THADA: variants seen among roughly 807,000 people sequenced by gnomAD.
THADA encodes the protein tRNA (32-2'-O)-methyltransferase regulator THADA.
A neutral mutation model predicts 219.8 loss-of-function variants in THADA; 213 were observed. The observed-to-expected ratio is 0.97, with a 90% CI of 0.87 to 1.09. THADA has a LOEUF of 1.09. THADA is among the 50% of genes least tolerant of loss of function. The pLI is 0.00. For synonymous variants in THADA, 1,018 were observed against 828.9 expected, an observed-to-expected ratio of 1.23 and a Z score of -3.92; for missense variants, 2,956 against 2,311.3, an observed-to-expected ratio of 1.28 and a Z score of -5.72.
intron 20 of THADA, among the ~76,000 whole-genome samples, chr2:43,548,443 T>G (rs1696333324): frequency 6.6e-6 from 1 of 152,160 alleles, no homozygotes; most frequent in Non-Finnish European, 1.5e-5. Context: ...CTGCTGTCTT[T>G]TTGTTTGTTT....
Position 43,527,986 on chromosome 2 carries a change from T to A in THADA, c.3267A>T (p.Val1089=). The A allele has an allele frequency of 6.2e-7, 1 of 1,607,888 alleles. No individual in the cohort carries two copies. Among genetic ancestry groups the A allele is most frequent in the African/African-American group, 1.3e-5 (1 of 74,658 alleles). ...GTTTAAAGTAATCTCCTATTTCTTT[T>A]ACCTTTAAAAAAAAAGCAAAAACAA... The part of the protein sequence containing the change: ...SSDGLLTVEQ[V]KEIGDYFKQH... Residue 1089 remains valine (V), a splice_region_variant and synonymous_variant, in exon 22 of 38, where the codon GTA becomes GTT. Coordinates refer to ENST00000405975, the MANE Select transcript of THADA (RefSeq NM_022065.5).
intron 36 of THADA, among the ~76,000 whole-genome samples, chr2:43,271,856 C>T (rs1172367950): frequency 6.6e-6 from 1 of 152,136 alleles, no homozygotes; most frequent in Non-Finnish European, 1.5e-5. Context: ...CTCAGGTGAT[C>T]CACTTGCCTC....
At chr2:43,251,531 C>T (rs920814958) in intron 36 of THADA, among the ~76,000 whole-genome samples, 1 of 152,214 alleles carries the variant, frequency 6.6e-6, no homozygotes, top group African/African-American at 2.4e-5. Flanking sequence ...GGTCTGCTTC[C>T]TGTCTCTGTC....
intron 20 of THADA, among the ~76,000 whole-genome samples, chr2:43,544,383 G>T (rs957467575): frequency 2.0e-5 from 3 of 152,212 alleles, no homozygotes; most frequent in South Asian, 2.1e-4. Context: ...CATATGAACT[G>T]TAAAGTAGTT....
Position 43,590,951 on chromosome 2 carries a change from C to A in THADA, c.175G>T (p.Val59Leu). Reference protein sequence around the residue: ...VSQIHYIKQIVPLLEKADKNG... With the variant: ...VSQIHYIKQILPLLEKADKNG... Reference sequence around the variant, plus strand: ...TTATCTGCTTTCTCCAGCAGAGGCACAATCTATAATACAAAACATTGAAGT... The same window carrying A: ...TTATCTGCTTTCTCCAGCAGAGGCAAAATCTATAATACAAAACATTGAAGT... The change falls in exon 4 of 38, where the codon GTG becomes TTG. Residue 59 changes from valine to leucine, a missense_variant. Transcript: ENST00000405975. 1 of 1,611,906 alleles carries A rather than the reference C, an allele frequency of 6.2e-7. No homozygotes were observed. Among genetic ancestry groups the A allele is most frequent in the Non-Finnish European group, 8.5e-7 (1 of 1,178,772 alleles).
chr2:43,263,693 C>T (rs1378593620), intron 36 of THADA, among the ~76,000 whole-genome samples: 1 of 152,160 alleles, frequency 6.6e-6, no homozygotes, highest in Non-Finnish European at 1.5e-5. Context: ...CAACATGGAA[C>T]TGAGGTATGT....
chr2:43,501,972 G>A lies in THADA; in HGVS notation c.3622-3017C>T, dbSNP rs750481274. On this transcript the variant is annotated intron_variant, in intron 24 of 37. Coordinates refer to ENST00000405975, the MANE Select transcript of THADA (RefSeq NM_022065.5). The stretch of plus-strand genomic sequence containing the variant: ...AAAGTTGAAACAAAAATAAAACTGT[G>A]GTTTTGCTCCAAAGATAGATTAATA... Among the ~76,000 whole-genome samples, 3 of 151,154 alleles carry A rather than the reference G, an allele frequency of 2.0e-5. No individual in the cohort carries two copies. In the East Asian group the frequency reaches 5.9e-4, roughly 30 times the overall value.
intron 34 of THADA, among the ~76,000 whole-genome samples, chr2:43,290,301 G>T (rs926492274): frequency 6.6e-6 from 1 of 150,840 alleles, no homozygotes; most frequent in Admixed American, 6.6e-5. Context: ...CTGGGCTATA[G>T]TTTTTAGCAA....
chr2:43,350,764 G>A (rs1427818907), intron 29 of THADA, among the ~76,000 whole-genome samples: 1 of 152,216 alleles, frequency 6.6e-6, no homozygotes, highest in Non-Finnish European at 1.5e-5. Flanking sequence ...CAGCCAGGAA[G>A]CATTTCATGT....
chr2:43,426,543 G>A (rs1205332841), intron 28 of THADA, among the ~76,000 whole-genome samples: 4 of 152,072 alleles, frequency 2.6e-5, no homozygotes, highest in African/African-American at 9.7e-5. Flanking sequence ...ATCACCAAAT[G>A]CCAGATGAAG....
At chr2:43,235,846 G>A (rs1487115223) in intron 36 of THADA, among the ~76,000 whole-genome samples, 7 of 151,206 alleles carry the variant, frequency 4.6e-5, no homozygotes, top group African/African-American at 1.2e-4. Flanking sequence ...TCGCTCTGTC[G>A]CCCAGGCTGG....
In THADA at chr2:43,308,758, C is replaced by CAAAAAAA. The variant is rs57697839; in HGVS notation, c.4438+11681_4438+11687dup. Among the ~76,000 whole-genome samples, 49 of 50,850 alleles carry CAAAAAAA rather than the reference C, an allele frequency of 9.6e-4. 6 individuals carry two copies. Among genetic ancestry groups the CAAAAAAA allele is most frequent in the Non-Finnish European group, 1.2e-3 (41 of 33,004 alleles). The allele number at this position is 50,850 out of a possible 152,430, so 33.4% of individuals were successfully genotyped here. A position where few individuals can be genotyped will look rare whatever the true frequency, so the allele number is the denominator to read the frequency against. On this transcript the variant is annotated intron_variant, in intron 31 of 37. Coordinates refer to ENST00000405975, the MANE Select transcript of THADA (RefSeq NM_022065.5). ...GTGCTGAAACATTGGATACCCATAC[C>CAAAAAAA]AAAAAAAAAAAAAAAAAAAAAAAAA...
chr2:43,546,900 T>C (rs1342140629), intron 20 of THADA, among the ~76,000 whole-genome samples: 2 of 152,180 alleles, frequency 1.3e-5, no homozygotes, highest in Non-Finnish European at 2.9e-5. Flanking sequence ...ATGTGTGAAT[T>C]TGATCCTGTC....
intron 21 of THADA, among the ~76,000 whole-genome samples, chr2:43,540,903 G>C (rs750485638): frequency 1.3e-5 from 2 of 152,052 alleles, no homozygotes; most frequent in Non-Finnish European, 2.9e-5. Context: ...AAAAATTAGA[G>C]ATAAAACTAC....
At chr2:43,455,172 C>T (rs1344780977) in intron 26 of THADA, among the ~76,000 whole-genome samples, 2 of 152,174 alleles carry the variant, frequency 1.3e-5, no homozygotes, top group African/African-American at 2.4e-5. Flanking sequence ...CTCTCTAGGT[C>T]AATCTCTGGC....
Position 43,556,360 on chromosome 2 carries a change from T to C in THADA, c.2659A>G (p.Arg887Gly), listed in dbSNP as rs767809836. The C allele has an allele frequency of 1.2e-6, 2 of 1,613,748 alleles. No individual in the cohort carries two copies. Among genetic ancestry groups the C allele is most frequent in the African/African-American group, 2.7e-5 (2 of 74,926 alleles). Reference protein sequence around the residue: ...NGDRPAAVVERNTLMVIKCLM... With the variant: ...NGDRPAAVVEGNTLMVIKCLM... Reference sequence around the variant, plus strand: ...CAATACAAACCCATTAATGTGTTCCTTTCCACCACAGCAGCAGGCCTATCT... The same window carrying C: ...CAATACAAACCCATTAATGTGTTCCCTTCCACCACAGCAGCAGGCCTATCT... Residue 887 changes from arginine to glycine, a missense_variant, in exon 17 of 38, where the codon AGG (arginine) becomes GGG (glycine). Coordinates refer to ENST00000405975, the MANE Select transcript of THADA (RefSeq NM_022065.5).
chr2:43,508,762 C>A lies in THADA; in HGVS notation c.3393G>T (p.Leu1131=). The change falls in exon 23 of 38, where the codon CTG becomes CTT. Residue 1131 remains leucine (L), a synonymous_variant. Transcript: ENST00000405975. ...EVLNRCPNVS[L]QKLPEQWLWS... is the part of the protein sequence containing the mutation. ...ATAGCCACTGTTCTGGCAGCTTTTG[C>A]AGACTCACATTTGGGCACCTAAAAG... 1.2e-6 allele frequency: 2 copies of A among 1,613,504 alleles called. No individual in the cohort carries two copies. Among genetic ancestry groups the A allele is most frequent in the Non-Finnish European group, 1.7e-6 (2 of 1,179,604 alleles).
intron 20 of THADA, among the ~76,000 whole-genome samples, chr2:43,548,437 T>C (rs1488697238): frequency 6.6e-6 from 1 of 152,234 alleles, no homozygotes; most frequent in Non-Finnish European, 1.5e-5. Flanking sequence ...AGGTTACTGC[T>C]GTCTTTTTGT....
chr2:43,500,616 T>A (rs1688832556), intron 24 of THADA, among the ~76,000 whole-genome samples: 1 of 152,230 alleles, frequency 6.6e-6, no homozygotes. Context: ...TCAATTTCCT[T>A]AATAAGATAC....
Sources: allele counts gnomAD v4.1 joint callset (sites outside exome capture counted in the v4.1 genomes callset), GRCh38; gene constraint gnomAD v4.1.1; transcripts MANE v1.5; gene names NCBI Gene and HGNC (gene_info 2026-07-23, HGNC 2026-07-21).